CAPZB: variants seen among roughly 807,000 people sequenced by gnomAD.
CAPZB encodes F-actin-capping protein subunit beta.
A neutral mutation model predicts 38.1 loss-of-function variants in CAPZB; 2 were observed. The ratio of observed to expected loss-of-function variants is 0.05; its 90% CI spans 0.02 to 0.17. The LOEUF (loss-of-function observed/expected upper bound fraction) is 0.17, where lower values mean the gene tolerates loss of function less well. Ranked by LOEUF, CAPZB falls within the 10% of genes least tolerant of loss-of-function variation. The pLI is 1.00. For synonymous variants in CAPZB, 107 were observed against 127.4 expected (o/e 0.84, Z 1.08); for missense variants, 161 against 334.2 (o/e 0.48, Z 4.04).
intron 1 of CAPZB, among the ~76,000 whole-genome samples, chr1:19,452,793 CTTTTTTT>C (rs34430556): frequency 8.4e-6 from 1 of 118,432 alleles, no homozygotes; most frequent in African/African-American, 3.1e-5. Context: ...TAATTTCTTT[CTTTTTTT>C]TTTTTTTTTT....
chr1:19,402,406 G>C (rs571713819), intron 2 of CAPZB, among the ~76,000 whole-genome samples: 1 of 152,312 alleles, frequency 6.6e-6, no homozygotes, highest in Admixed American at 6.5e-5. Flanking sequence ...AAAATTGCAG[G>C]GAACCTGCTG....
chr1:19,394,993 GAC>G (rs2094258576), intron 2 of CAPZB, among the ~76,000 whole-genome samples: 2 of 152,186 alleles, frequency 1.3e-5, no homozygotes, highest in Admixed American at 6.5e-5. Context: ...GGTGAGCGAT[GAC>G]ACTCTACAGC....
At chr1:19,406,059 G>C (rs1160061429) in intron 2 of CAPZB, among the ~76,000 whole-genome samples, 7 of 152,172 alleles carry the variant, frequency 4.6e-5, no homozygotes, top group Admixed American at 2.0e-4. Context: ...TGACTGACAG[G>C]GTCTCTAATG....
intron 6 of CAPZB, among the ~76,000 whole-genome samples, chr1:19,354,489 G>C (rs911918203): frequency 2.0e-5 from 3 of 152,156 alleles, no homozygotes; most frequent in African/African-American, 7.2e-5. Flanking sequence ...CACCTCAAAT[G>C]AATGATGTGG....
Position 19,419,661 on chromosome 1 carries a change from C to G in CAPZB, c.93G>C (p.Leu31=). The G allele has an allele frequency of 1.9e-6, 3 of 1,575,256 alleles. No individual in the cohort carries two copies. Among genetic ancestry groups the G allele is most frequent in the Non-Finnish European group, 2.6e-6 (3 of 1,153,720 alleles). The change falls in exon 2 of 9, where the codon CTG becomes CTC. Residue 31 remains leucine (L), a splice_region_variant and synonymous_variant. Transcript: ENST00000264202. Reference sequence around the variant, plus strand: ...GGAACCATATGAAGGAGGCACGTACCAGGTCGATCAGGTCGCTGAGGTTTT... The same window carrying G: ...GGAACCATATGAAGGAGGCACGTACGAGGTCGATCAGGTCGCTGAGGTTTT... ...IEKNLSDLID[L]VPSLCEDLLS... is the part of the protein sequence containing the mutation.
At chr1:19,346,522 A>G (rs1012322588) in intron 6 of CAPZB, among the ~76,000 whole-genome samples, 1 of 150,512 alleles carries the variant, frequency 6.6e-6, no homozygotes, top group African/African-American at 2.4e-5. Context: ...CAGAAGAAAA[A>G]CCAGCAAAAG....
rs1038108403 is a variant in CAPZB at position 19,360,529 on chromosome 1, A to G, written c.330-2966T>C. On this transcript the variant is annotated intron_variant, in intron 4 of 8. Transcript: ENST00000264202. ...GTGTGCTGGGACACTGGGGAGATGC[A>G]GGTCAGGATGCCCTGGAGGGGAACC... 2.2e-4 allele frequency among the ~76,000 whole-genome samples: 33 copies of G among 152,232 alleles called. 1 individual carries two copies. Among genetic ancestry groups the G allele is most frequent in the Non-Finnish European group, 7.3e-5 (5 of 68,040 alleles).
chr1:19,434,667 T>C (rs536113614), intron 1 of CAPZB, among the ~76,000 whole-genome samples: 156 of 152,178 alleles, frequency 1.0e-3, no homozygotes, highest in African/African-American at 3.4e-3. Context: ...CAGTGGCTCA[T>C]GCCTGGAACC....
chr1:19,399,786 A>G (rs2094293111), intron 2 of CAPZB, among the ~76,000 whole-genome samples: 1 of 152,324 alleles, frequency 6.6e-6, no homozygotes, highest in South Asian at 2.1e-4. Flanking sequence ...AAACCACTAG[A>G]TGAGATAATC....
At chr1:19,449,531 T>C (rs1356750925) in intron 1 of CAPZB, among the ~76,000 whole-genome samples, 1 of 152,110 alleles carries the variant, frequency 6.6e-6, no homozygotes, top group African/African-American at 2.4e-5. Flanking sequence ...CCCACACCTG[T>C]AATCTCGGCA....
intron 2 of CAPZB, among the ~76,000 whole-genome samples, chr1:19,417,274 G>A (rs913939819): frequency 6.6e-6 from 1 of 152,156 alleles, no homozygotes; most frequent in South Asian, 2.1e-4. Flanking sequence ...AGGGTCCAAT[G>A]AGAAAAATTT....
intron 1 of CAPZB, among the ~76,000 whole-genome samples, chr1:19,464,244 GAAAACCGA>G (rs1222264180): frequency 6.8e-6 from 1 of 146,064 alleles, no homozygotes; most frequent in Non-Finnish European, 1.5e-5. Context: ...AAGGAAGAAA[GAAAACCGA>G]AAAAGAAAAA....
At chr1:19,441,341 GT>G (rs1402792412) in intron 1 of CAPZB, among the ~76,000 whole-genome samples, 1 of 152,162 alleles carries the variant, frequency 6.6e-6, no homozygotes, top group African/African-American at 2.4e-5. Context: ...TGGAAATAAA[GT>G]AAGTATAAGG....
At chr1:19,477,265 G>C (rs2094610197) in intron 1 of CAPZB, among the ~76,000 whole-genome samples, 1 of 152,162 alleles carries the variant, frequency 6.6e-6, no homozygotes, top group South Asian at 2.1e-4. Flanking sequence ...CCACACCCCA[G>C]CCCATCCTCT....
chr1:19,364,978 C>T (rs1412676115), intron 4 of CAPZB, among the ~76,000 whole-genome samples: 1 of 152,032 alleles, frequency 6.6e-6, no homozygotes, highest in Non-Finnish European at 1.5e-5. Context: ...TCCTGAGTAG[C>T]TGGGACTACA....
At chr1:19,481,944 C>T (rs888507589) in intron 1 of CAPZB, among the ~76,000 whole-genome samples, 1 of 152,222 alleles carries the variant, frequency 6.6e-6, no homozygotes, top group Non-Finnish European at 1.5e-5. Flanking sequence ...AGCACATAAG[C>T]ACCACAGAGT....
chr1:19,341,262 C>A (rs2093926898), intron 8 of CAPZB, among the ~76,000 whole-genome samples: 1 of 152,212 alleles, frequency 6.6e-6, no homozygotes, highest in African/African-American at 2.4e-5. Flanking sequence ...GGCCCCCAGG[C>A]TCCAAATCTC....
intron 1 of CAPZB, among the ~76,000 whole-genome samples, chr1:19,452,283 G>T (rs899908470): frequency 2.7e-4 from 41 of 152,204 alleles, no homozygotes; most frequent in African/African-American, 9.6e-4. Flanking sequence ...ACGGCTCTAG[G>T]GCAGCATCTC....
intron 8 of CAPZB, among the ~76,000 whole-genome samples, chr1:19,340,015 A>C (rs1569841700): frequency 6.6e-6 from 1 of 152,278 alleles, no homozygotes; most frequent in East Asian, 1.9e-4. Context: ...CTGCTTCAGA[A>C]CAGCTACCCT....
Sources: gnomAD v4.1 joint callset for allele counts (sites outside exome capture counted in the v4.1 genomes callset) on GRCh38, gnomAD v4.1.1 for gene constraint, MANE v1.5 for transcripts, NCBI Gene and HGNC (gene_info 2026-07-23, HGNC 2026-07-21) for gene names.